The following ARHGAP15 variants were observed in gnomAD, a reference collection of about 807,000 sequenced individuals.
ARHGAP15 encodes rho GTPase-activating protein 15.
Under a neutral mutation model 63.7 loss-of-function variants are expected in ARHGAP15, and 51 were observed. The ratio of observed to expected loss-of-function variants is 0.80; its 90% confidence interval spans 0.64 to 1.01. The LOEUF (loss-of-function observed/expected upper bound fraction) is 1.01, where lower values mean the gene tolerates loss of function less well. Ranked by LOEUF, ARHGAP15 falls within the 50% of genes least tolerant of loss-of-function variation. The probability of loss-of-function intolerance (pLI) is 0.00; values close to 1 mark genes in which losing one functional copy is unlikely to be tolerated. For synonymous variants in ARHGAP15, 191 were observed against 193.8 expected (o/e 0.99, Z 0.12); for missense variants, 560 against 564.6 (o/e 0.99, Z 0.08).
intron 12 of ARHGAP15, among the ~76,000 whole-genome samples, chr2:143,668,272 T>C (rs1682334326): frequency 6.8e-6 from 1 of 147,656 alleles, no homozygotes; most frequent in Non-Finnish European, 1.5e-5. Context: ...CTGCCTTGAT[T>C]CTATTTTCTT....
In ARHGAP15 at chr2:143,625,142, A is replaced by C. The variant is rs554251301; in HGVS notation, c.1138+875A>C. On this transcript the variant is annotated intron_variant, in intron 12 of 13. Transcript: ENST00000295095. ...AAGGAAGAAAAAGAAAGAAGAAAGA[A>C]AGGTAAAATTAAAAACCTTGCAAGC... Among the ~76,000 whole-genome samples the C allele has an allele frequency of 2.6e-5, 4 of 152,282 alleles. No homozygotes were observed. In the East Asian group the frequency reaches 7.7e-4, roughly 29 times the overall value.
chr2:143,389,271 G>A (rs1291980675), intron 6 of ARHGAP15, among the ~76,000 whole-genome samples: 1 of 151,970 alleles, frequency 6.6e-6, no homozygotes, highest in Non-Finnish European at 1.5e-5. Context: ...GTGATTATGA[G>A]GTGTGTGGCG....
chr2:143,757,259 C>T (rs956787362), intron 13 of ARHGAP15, among the ~76,000 whole-genome samples: 3 of 152,240 alleles, frequency 2.0e-5, no homozygotes, highest in Admixed American at 6.5e-5. Context: ...CCTGTAATCC[C>T]GGCACTGTGG....
chr2:143,587,635 C>G (rs541842435), intron 11 of ARHGAP15: 2 of 431,190 alleles, frequency 4.6e-6, no homozygotes, highest in African/African-American at 4.1e-5. Flanking sequence ...TTTTCCCTTC[C>G]CATAATGAAG....
intron 8 of ARHGAP15, among the ~76,000 whole-genome samples, chr2:143,476,259 A>G (rs897093578): frequency 2.0e-5 from 3 of 152,160 alleles, no homozygotes; most frequent in African/African-American, 7.2e-5. Context: ...TCTTTGAAAC[A>G]TGTTTAATAA....
chr2:143,133,256 C>T (rs1688983150), intron 1 of ARHGAP15, among the ~76,000 whole-genome samples: 1 of 152,114 alleles, frequency 6.6e-6, no homozygotes, highest in African/African-American at 2.4e-5. Flanking sequence ...CACAAAAACA[C>T]GGCGTGTCAG....
At chr2:143,646,408 T>C (rs1680880953) in intron 12 of ARHGAP15, among the ~76,000 whole-genome samples, 2 of 152,076 alleles carry the variant, frequency 1.3e-5, no homozygotes, top group African/African-American at 4.8e-5. Context: ...AGGCTCTGCC[T>C]TTTTTGCTTA....
chr2:143,398,238 GT>G (rs1172255637), intron 6 of ARHGAP15, among the ~76,000 whole-genome samples: 1 of 152,076 alleles, frequency 6.6e-6, no homozygotes, highest in African/African-American at 2.4e-5. Context: ...TCAGTTATGG[GT>G]TAAATGTCAA....
At chr2:143,623,773 T>C (rs1226564069) in intron 11 of ARHGAP15, among the ~76,000 whole-genome samples, 5 of 152,266 alleles carry the variant, frequency 3.3e-5, no homozygotes, top group South Asian at 2.1e-4. Context: ...CCGGCCATCA[T>C]TGGCAACTCT....
At chr2:143,330,122 A>AAAAC (rs1684466694) in intron 6 of ARHGAP15, among the ~76,000 whole-genome samples, 1 of 81,390 alleles carries the variant, frequency 1.2e-5, no homozygotes, top group African/African-American at 4.3e-5. Flanking sequence ...AAAAAAAAAA[A>AAAAC]AAAAAAAAAC....
At chr2:143,139,491 A>G (rs1348369396) in intron 1 of ARHGAP15, among the ~76,000 whole-genome samples, 1 of 152,028 alleles carries the variant, frequency 6.6e-6, no homozygotes, top group Non-Finnish European at 1.5e-5. Context: ...TTATAAATGT[A>G]TTTTAAGGCT....
intron 6 of ARHGAP15, among the ~76,000 whole-genome samples, chr2:143,387,332 T>C (rs529495246): frequency 1.0e-3 from 156 of 152,280 alleles, no homozygotes; most frequent in African/African-American, 3.5e-3. Context: ...GTGACAATGA[T>C]TTTGAAAATT....
intron 1 of ARHGAP15, among the ~76,000 whole-genome samples, chr2:143,153,861 C>CTCCTCT (rs1689964736): frequency 2.4e-5 from 2 of 81,638 alleles, no homozygotes; most frequent in Non-Finnish European, 5.8e-5. Context: ...CCTCCTCCTC[C>CTCCTCT]TCCTCCTCCT....
intron 2 of ARHGAP15, among the ~76,000 whole-genome samples, chr2:143,189,725 G>A (rs1691604252): frequency 6.6e-6 from 1 of 151,956 alleles, no homozygotes; most frequent in African/African-American, 2.4e-5. Flanking sequence ...GCCTCCCAAA[G>A]TGCTGGGATT....
chr2:143,143,787 A>T (rs1464637805), intron 1 of ARHGAP15, among the ~76,000 whole-genome samples: 1 of 151,800 alleles, frequency 6.6e-6, no homozygotes, highest in Non-Finnish European at 1.5e-5. Context: ...CTTTAAGTTC[A>T]GGGATATATG....
chr2:143,638,096 T>C lies in ARHGAP15; in HGVS notation c.1138+13829T>C, dbSNP rs1171087727. Among the ~76,000 whole-genome samples, 3 of 143,980 alleles carry C rather than the reference T, an allele frequency of 2.1e-5. No homozygotes were observed. The East Asian group carries it at 6.0e-4, about 29-fold the overall frequency. 94.5% of individuals were successfully genotyped at this position (143,980 alleles called of 152,430 possible). On this transcript the variant is annotated intron_variant, in intron 12 of 13. Transcript: ENST00000295095. ...ACCATTGTGGAAGTCAGTGTGGCGATTCCTCAGGGATCTAGAACTGGAAAT... is the reference window on the plus strand; with the variant it reads ...ACCATTGTGGAAGTCAGTGTGGCGACTCCTCAGGGATCTAGAACTGGAAAT...
At chr2:143,739,775 GGATA>G (rs1217091617) in intron 13 of ARHGAP15, among the ~76,000 whole-genome samples, 2 of 152,076 alleles carry the variant, frequency 1.3e-5, no homozygotes, top group Non-Finnish European at 2.9e-5. Flanking sequence ...GATTGACAGA[GGATA>G]GAGAGATCAC....
At chr2:143,743,561 G>A (rs1309302465) in intron 13 of ARHGAP15, among the ~76,000 whole-genome samples, 2 of 152,150 alleles carry the variant, frequency 1.3e-5, no homozygotes, top group African/African-American at 4.8e-5. Context: ...TCTCTGTACT[G>A]ACTCCTGTGG....
chr2:143,202,612 C>A (rs940726712), intron 3 of ARHGAP15, among the ~76,000 whole-genome samples: 1 of 152,024 alleles, frequency 6.6e-6, no homozygotes, highest in African/African-American at 2.4e-5. Flanking sequence ...CTCTTGTAAC[C>A]TAATTGTAAA....
Sources: allele counts gnomAD v4.1 joint callset (sites outside exome capture counted in the v4.1 genomes callset), GRCh38; gene constraint gnomAD v4.1.1; transcripts MANE v1.5; gene names NCBI Gene and HGNC (gene_info 2026-07-23, HGNC 2026-07-21).